The following CACNA1E variants were observed in gnomAD, a reference collection of about 807,000 sequenced individuals.
The protein encoded by CACNA1E is calcium voltage-gated channel subunit alpha1 E, also known as voltage-dependent R-type calcium channel subunit alpha-1E.
Under a neutral mutation model 259.2 loss-of-function variants are expected in CACNA1E, and 40 were observed. The observed-to-expected ratio is 0.15, with a 90% CI of 0.12 to 0.20. CACNA1E has a LOEUF of 0.20. CACNA1E is among the 10% of genes least tolerant of loss of function. The probability of loss-of-function intolerance (pLI) is 1.00; values close to 1 mark genes in which losing one functional copy is unlikely to be tolerated. For synonymous variants in CACNA1E, 1,104 were observed against 1,138.5 expected, an observed-to-expected ratio of 0.97 and a Z score of 0.61; for missense variants, 1,874 against 3,040.1, an observed-to-expected ratio of 0.62 and a Z score of 9.02.
intron 6 of CACNA1E, among the ~76,000 whole-genome samples, chr1:181,618,511 G>A (rs1478379026): frequency 2.0e-5 from 3 of 152,198 alleles, no homozygotes; most frequent in Non-Finnish European, 4.4e-5. Context: ...GTTTCAGTGA[G>A]CCAAGATCGT....
chr1:181,326,123 C>T (rs941927585), intron 1 of CACNA1E, among the ~76,000 whole-genome samples: 1 of 152,214 alleles, frequency 6.6e-6, no homozygotes, highest in African/African-American at 2.4e-5. Context: ...TTTTCATATG[C>T]TAAGTCGTTT....
chr1:181,765,570 C>T (rs1658947943), intron 34 of CACNA1E, among the ~76,000 whole-genome samples: 1 of 152,186 alleles, frequency 6.6e-6, no homozygotes, highest in Admixed American at 6.5e-5. Context: ...TCATAGGGCT[C>T]TTCATTTTGT....
rs72731274 is a variant in CACNA1E at position 181,545,488 on chromosome 1, C to T, written c.513-32278C>T. ...GCAGGGCTGTGGGGGGATGGCAGTGCTCCCAGCTTGGAATCCCCCCACACT... is the reference window on the plus strand; with the variant it reads ...GCAGGGCTGTGGGGGGATGGCAGTGTTCCCAGCTTGGAATCCCCCCACACT... On this transcript the variant is annotated intron_variant, in intron 3 of 47. Transcript: ENST00000367573. Among the ~76,000 whole-genome samples, 1,451 of 152,234 alleles carry T rather than the reference C, an allele frequency of 9.5e-3. 19 individuals are homozygous for T. The highest frequency in any genetic ancestry group is 0.014 in the Middle Eastern group (4 of 294).
At chr1:181,567,163 C>T (rs982024147) in intron 3 of CACNA1E, among the ~76,000 whole-genome samples, 7 of 152,066 alleles carry the variant, frequency 4.6e-5, no homozygotes, top group African/African-American at 9.7e-5. Context: ...CCACTTCATA[C>T]CCGCTAGGAT....
chr1:181,599,748 G>A (rs1653556856), intron 6 of CACNA1E, among the ~76,000 whole-genome samples: 1 of 152,180 alleles, frequency 6.6e-6, no homozygotes, highest in South Asian at 2.1e-4. Context: ...AATGATATAG[G>A]ATCAAGCTAT....
At chr1:181,585,977 A>G (rs1269965857) in intron 6 of CACNA1E, among the ~76,000 whole-genome samples, 2 of 152,174 alleles carry the variant, frequency 1.3e-5, no homozygotes, top group African/African-American at 4.8e-5. Flanking sequence ...TTGAAAAAGG[A>G]TCACTCCACC....
chr1:181,597,718 G>C (rs1319092403), intron 6 of CACNA1E, among the ~76,000 whole-genome samples: 1 of 152,226 alleles, frequency 6.6e-6, no homozygotes, highest in Non-Finnish European at 1.5e-5. Context: ...TTGACTTACA[G>C]TTCCACATGG....
chr1:181,470,110 C>T lies in CACNA1E; in HGVS notation c.435-13634C>T, dbSNP rs1025343554. 5.3e-5 allele frequency among the ~76,000 whole-genome samples: 8 copies of T among 151,398 alleles called. 1 individual carries two copies. Among genetic ancestry groups the T allele is most frequent in the Admixed American group, 2.0e-4 (3 of 15,206 alleles). On this transcript the variant is annotated intron_variant, in intron 2 of 11. Transcript: ENST00000524607. ...GAGAGAAAGAAAGAGAGCAAGAAAG[C>T]GAGAGAGAGAGCACGAGAGCACACA...
chr1:181,555,084 C>T (rs558527103), intron 3 of CACNA1E, among the ~76,000 whole-genome samples: 1 of 152,200 alleles, frequency 6.6e-6, no homozygotes, highest in Non-Finnish European at 1.5e-5. Flanking sequence ...GTTGCAGACA[C>T]ACTTGAGCCA....
chr1:181,340,239 T>C (rs1652050823), intron 1 of CACNA1E, among the ~76,000 whole-genome samples: 1 of 152,060 alleles, frequency 6.6e-6, no homozygotes, highest in African/African-American at 2.4e-5. Context: ...TGATCTCAAA[T>C]TTAATATTTC....
At chr1:181,763,793 C>T (rs1658792249) in intron 34 of CACNA1E, among the ~76,000 whole-genome samples, 1 of 152,216 alleles carries the variant, frequency 6.6e-6, no homozygotes, top group South Asian at 2.1e-4. Context: ...TCTCTGTCTG[C>T]TGAGGCAGGG....
At chr1:181,439,447 A>G (rs923183180) in intron 2 of CACNA1E, among the ~76,000 whole-genome samples, 1 of 151,312 alleles carries the variant, frequency 6.6e-6, no homozygotes, top group East Asian at 1.9e-4. Context: ...TCTGCTCCCA[A>G]ATTGCTCCGA....
At chr1:181,739,294 C>A in intron 25 of CACNA1E, 41 bp downstream of exon 25, 1 of 1,290,582 alleles carries the variant, frequency 7.7e-7, no homozygotes, top group Non-Finnish European at 1.1e-6. Context: ...TCCTTCCCCT[C>A]TTCCTGGAGA....
intron 5 of CACNA1E, 145 bp from the exon 6 acceptor site, chr1:181,580,450 A>G: frequency 1.4e-6 from 1 of 732,072 alleles, no homozygotes; most frequent in African/African-American, 1.7e-5. Flanking sequence ...CAGAGAGGCC[A>G]GGGAGGAGAG....
chr1:181,783,016 C>T (rs1660555396), intron 39 of CACNA1E, among the ~76,000 whole-genome samples: 1 of 152,134 alleles, frequency 6.6e-6, no homozygotes, highest in African/African-American at 2.4e-5. Flanking sequence ...GGCCACCCTT[C>T]CTCGTTCTGT....
chr1:181,615,242 G>A (rs1655100563), intron 6 of CACNA1E, among the ~76,000 whole-genome samples: 2 of 152,136 alleles, frequency 1.3e-5, no homozygotes, highest in Admixed American at 6.5e-5. Flanking sequence ...CCAGGCTGGA[G>A]TGCAGTGGTG....
intron 6 of CACNA1E, among the ~76,000 whole-genome samples, chr1:181,635,993 T>C (rs1456972899): frequency 1.3e-5 from 2 of 152,150 alleles, no homozygotes; most frequent in Non-Finnish European, 2.9e-5. Flanking sequence ...CTGCAAATAA[T>C]AAGAGATTTA....
At chr1:181,579,986 C>A (rs981563554) in intron 5 of CACNA1E, among the ~76,000 whole-genome samples, 1 of 152,172 alleles carries the variant, frequency 6.6e-6, no homozygotes, top group Non-Finnish European at 1.5e-5. Context: ...TTCATTTGTT[C>A]TTTTCAAGTT....
At chr1:181,635,649 CA>C (rs1218318851) in intron 6 of CACNA1E, among the ~76,000 whole-genome samples, 3 of 152,210 alleles carry the variant, frequency 2.0e-5, no homozygotes, top group African/African-American at 7.2e-5. Flanking sequence ...CACCAGGACC[CA>C]AGAAAGTGCA....
Sources: allele counts gnomAD v4.1 joint callset (sites outside exome capture counted in the v4.1 genomes callset), GRCh38; gene constraint gnomAD v4.1.1; transcripts MANE v1.5; gene names NCBI Gene and HGNC (gene_info 2026-07-23, HGNC 2026-07-21).